The following KLHL4 variants were observed in gnomAD, a reference collection of about 807,000 sequenced individuals.
KLHL4 encodes kelch-like protein 4.
A neutral mutation model predicts 45.8 loss-of-function variants in KLHL4; 17 were observed. The ratio of observed to expected loss-of-function variants is 0.37; its 90% CI spans 0.25 to 0.56. The LOEUF is 0.56. Ranked by LOEUF, KLHL4 falls within the 20% of genes least tolerant of loss-of-function variation. The probability of loss-of-function intolerance (pLI) is 0.79; values close to 1 mark genes in which losing one functional copy is unlikely to be tolerated. For missense variants in KLHL4, 544 were observed against 544.9 expected (o/e 1.00, Z 0.02); for synonymous variants, 224 against 189.9 (o/e 1.18, Z -1.47).
At chrX:87,639,871 AC>A (rs1177051281) in intron 9 of KLHL4, among the ~76,000 whole-genome samples, 5,840 of 109,875 alleles carry the variant, frequency 0.053, 389 homozygotes, top group African/African-American at 0.18. Context: ...TGAAACAACA[AC>A]AACAAAAAAA....
chrX:87,579,328 T>C (rs1182038981), intron 1 of KLHL4, among the ~76,000 whole-genome samples: 3 of 111,026 alleles, frequency 2.7e-5, no homozygotes, highest in Non-Finnish European at 5.7e-5. Flanking sequence ...CAAAGAATAA[T>C]AATAAAGAGT....
intron 1 of KLHL4, among the ~76,000 whole-genome samples, chrX:87,533,208 A>G (rs1931342249): frequency 9.1e-6 from 1 of 109,701 alleles, no homozygotes; most frequent in Non-Finnish European, 1.9e-5. Context: ...TACTGGGTAT[A>G]TACCCGAAGG....
In KLHL4 at chrX:87,567,098, AC is replaced by A. The variant is rs1240073430; in HGVS notation, c.423-46776del. On this transcript the variant is annotated intron_variant, in intron 1 of 10. Transcript: ENST00000373119. ...AAAAAGGCATTTTGCAAAATTTAGC[AC>A]CCTTTCATGATTAAAACAATGAACT... Among the ~76,000 whole-genome samples, 31 of 111,280 alleles carry A rather than the reference AC, an allele frequency of 2.8e-4. No individual in the cohort carries two copies. The Admixed American group carries it at 2.9e-3, about 10-fold the overall frequency.
rs776366912 is a variant in KLHL4 at position 87,635,780 on chromosome X, G to GT, written c.1925+11dup. On this transcript the variant is annotated splice_donor_region_variant and intron_variant, in intron 9 of 10. Transcript: ENST00000373119. ...GCTTTCTGACTGTGTGGAACGGTAA[G>GT]TTTTTTCTATTTCCTTCTGTATGTA... 9.8e-6 allele frequency: 11 copies of GT among 1,118,512 alleles called. No individual in the cohort carries two copies. In the South Asian group the frequency reaches 2.0e-4, roughly 21 times the overall value. 92.2% of individuals were successfully genotyped at this position (1,118,512 alleles called of 1,213,427 possible).
In KLHL4 at chrX:87,518,311, G is replaced by T; in HGVS notation, c.418G>T (p.Ala140Ser). Residue 140 changes from alanine to serine, a missense_variant, in exon 1 of 11, where the codon GCA (alanine) becomes TCA (serine). Transcript: ENST00000373119. ...MADDNIEDSTARLDTQHSEDM... is the reference protein window; with the variant it reads ...MADDNIEDSTSRLDTQHSEDM... ...TGATGACAATATAGAAGATTCTACA[G>T]CAAGGTAAGAGTTTTTGGTCGCATA... is the stretch of plus-strand genomic sequence containing the variant. 1 of 1,201,623 alleles carries T rather than the reference G, an allele frequency of 8.3e-7. No homozygotes were observed. Among genetic ancestry groups the T allele is most frequent in the Non-Finnish European group, 1.1e-6 (1 of 890,394 alleles).
Position 87,667,401 on chromosome X carries a change from A to G in KLHL4, c.*867A>G, listed in dbSNP as rs1924406861. The G allele has an allele frequency of 1.4e-6, 1 of 702,100 alleles. No individual in the cohort carries two copies. Among genetic ancestry groups the G allele is most frequent in the Admixed American group, 8.9e-5 (1 of 11,177 alleles). 57.9% of individuals were successfully genotyped at this position (702,100 alleles called of 1,213,427 possible). A position where few individuals can be genotyped will look rare whatever the true frequency, so the allele number is the denominator to read the frequency against. On this transcript the variant is annotated 3_prime_UTR_variant, in exon 11 of 11. Transcript: ENST00000373119. ...CTATAAACAAATATCGTTAAGTTAA[A>G]CAAGTTTTCAAAAACAAAACAATTT...
chrX:87,617,419 C>CT (rs1430183903), intron 3 of KLHL4, among the ~76,000 whole-genome samples: 1 of 110,152 alleles, frequency 9.1e-6, no homozygotes, highest in Non-Finnish European at 1.9e-5. Context: ...AAGCTTAATG[C>CT]TTTTTTTATT....
At chrX:87,576,010 AT>A (rs1400726577) in intron 1 of KLHL4, among the ~76,000 whole-genome samples, 2 of 111,807 alleles carry the variant, frequency 1.8e-5, no homozygotes, top group Non-Finnish European at 3.8e-5. Flanking sequence ...AAATACTGTG[AT>A]AACATAGAAA....
In KLHL4 at chrX:87,633,877, A is replaced by C. The variant is rs1257977860; in HGVS notation, c.1678A>C (p.Arg560=). 8.3e-7 allele frequency: 1 copy of C among 1,207,818 alleles called. No homozygotes were observed. The highest frequency in any genetic ancestry group is 1.7e-5 in the African/African-American group (1 of 57,627). ...WNYVASMSTP[R]STVGVVALNN... is the part of the protein sequence containing the mutation. ...TTACGTAGCCAGTATGTCAACTCCTAGAAGCACAGTTGGTGTTGTTGCATT... is the reference window on the plus strand; with the variant it reads ...TTACGTAGCCAGTATGTCAACTCCTCGAAGCACAGTTGGTGTTGTTGCATT... The change falls in exon 8 of 11, where the codon AGA becomes CGA. Residue 560 remains arginine, a synonymous_variant. Transcript: ENST00000373119.
intron 1 of KLHL4, among the ~76,000 whole-genome samples, chrX:87,562,785 C>A (rs1370917543): frequency 9.0e-6 from 1 of 111,268 alleles, no homozygotes; most frequent in Non-Finnish European, 1.9e-5. Flanking sequence ...AGTAGACAGG[C>A]ACTAGTTATC....
chrX:87,566,607 G>A (rs188424151), intron 1 of KLHL4, among the ~76,000 whole-genome samples: 1 of 111,457 alleles, frequency 9.0e-6, no homozygotes, highest in East Asian at 2.8e-4. Context: ...GATACTTGAA[G>A]TACAGTTGCT....
At chrX:87,533,607 T>G (rs2147768467) in intron 1 of KLHL4, among the ~76,000 whole-genome samples, 1 of 107,523 alleles carries the variant, frequency 9.3e-6, no homozygotes, top group African/African-American at 3.4e-5. Flanking sequence ...TAATGCTAAA[T>G]GACCAGTTAA....
intron 1 of KLHL4, among the ~76,000 whole-genome samples, chrX:87,602,813 T>C (rs186744244): frequency 2.0e-3 from 221 of 111,961 alleles, no homozygotes; most frequent in African/African-American, 6.9e-3. Flanking sequence ...ATAACTTGAA[T>C]CCTGTCTGCT....
At chrX:87,617,212 T>TG (rs57902980) in intron 3 of KLHL4, among the ~76,000 whole-genome samples, 1 of 54,555 alleles carries the variant, frequency 1.8e-5, no homozygotes, top group Non-Finnish European at 3.7e-5. Context: ...AAAGAGACTG[T>TG]TTTTTTTTTT....
intron 9 of KLHL4, among the ~76,000 whole-genome samples, chrX:87,657,801 G>A (rs998814431): frequency 8.9e-6 from 1 of 111,749 alleles, no homozygotes; most frequent in South Asian, 3.7e-4. Context: ...TATGAGGTGG[G>A]TAATGGGGTA....
At chrX:87,662,506 G>A (rs1438741521) in intron 9 of KLHL4, among the ~76,000 whole-genome samples, 3 of 111,779 alleles carry the variant, frequency 2.7e-5, no homozygotes, top group Non-Finnish European at 3.8e-5. Flanking sequence ...TCTACATTGT[G>A]GAAATCAATT....
At chrX:87,662,961 C>T (rs1215107890) in intron 9 of KLHL4, among the ~76,000 whole-genome samples, 1 of 105,674 alleles carries the variant, frequency 9.5e-6, no homozygotes, top group Non-Finnish European at 1.9e-5. Flanking sequence ...CTTAAAGGTC[C>T]ATCCACCCTC....
intron 5 of KLHL4, among the ~76,000 whole-genome samples, chrX:87,622,652 T>C (rs1922792504): frequency 9.1e-6 from 1 of 110,218 alleles, no homozygotes; most frequent in African/African-American, 3.3e-5. Flanking sequence ...ATCAGAATAC[T>C]CATTAGTTTC....
At chrX:87,591,884 T>C (rs1921676378) in intron 1 of KLHL4, among the ~76,000 whole-genome samples, 1 of 111,695 alleles carries the variant, frequency 9.0e-6, no homozygotes, top group African/African-American at 3.3e-5. Context: ...CTTTAAGTTA[T>C]TTTAAAATGT....
Sources: allele counts gnomAD v4.1 joint callset (sites outside exome capture counted in the v4.1 genomes callset), GRCh38; gene constraint gnomAD v4.1.1; transcripts MANE v1.5; gene names NCBI Gene and HGNC (gene_info 2026-07-23, HGNC 2026-07-21).